Variants in BCAS3 observed in about 807,000 individuals in gnomAD.
The protein encoded by BCAS3 is BCAS4/BCAS3 fusion.
A neutral mutation model predicts 116.1 loss-of-function variants in BCAS3; 53 were observed. The observed-to-expected ratio is 0.46, with a 90% CI of 0.37 to 0.57. The LOEUF is 0.57. Ranked by LOEUF, BCAS3 falls within the 20% of genes least tolerant of loss-of-function variation. BCAS3 has a pLI of 0.00. For synonymous variants in BCAS3, 391 were observed against 408.2 expected, an observed-to-expected ratio of 0.96 and a Z score of 0.51; for missense variants, 917 against 1,165.4, an observed-to-expected ratio of 0.79 and a Z score of 3.10.
intron 13 of BCAS3, among the ~76,000 whole-genome samples, chr17:60,935,992 T>C (rs1241484522): frequency 6.6e-6 from 1 of 151,976 alleles, no homozygotes; most frequent in Admixed American, 6.6e-5. Flanking sequence ...TATCTCCAAA[T>C]GCTATCCCTC....
chr17:61,152,480 G>A (rs2077595242), intron 22 of BCAS3, among the ~76,000 whole-genome samples: 1 of 152,048 alleles, frequency 6.6e-6, no homozygotes, highest in Admixed American at 6.5e-5. Context: ...CTCGACCCAG[G>A]AAGTCCAGAT....
chr17:61,012,822 A>G lies in BCAS3; in HGVS notation c.1487-2929A>G, dbSNP rs75782344. Among the ~76,000 whole-genome samples the G allele has an allele frequency of 0.041, 6,168 of 152,134 alleles. 187 individuals carry two copies. Among genetic ancestry groups the G allele is most frequent in the Non-Finnish European group, 0.067 (4,528 of 67,912 alleles). On this transcript the variant is annotated intron_variant, in intron 15 of 23. Coordinates refer to ENST00000407086, the MANE Select transcript of BCAS3 (RefSeq NM_017679.5). The surrounding 1 kb of genome is among the most constrained non-coding windows in gnomAD (Gnocchi z 4.5). ...CTAAACCACAGATTTGGAACTTCTC[A>G]GTGAATCACTTCATTTTCCTAGACC...
chr17:61,250,653 A>G (rs1472598202), intron 22 of BCAS3, among the ~76,000 whole-genome samples: 1 of 152,228 alleles, frequency 6.6e-6, no homozygotes, highest in Non-Finnish European at 1.5e-5. Flanking sequence ...GACAGCTAAA[A>G]GGCATTCTTT....
chr17:60,976,180 C>T (rs1414522506), intron 14 of BCAS3, among the ~76,000 whole-genome samples: 5 of 147,220 alleles, frequency 3.4e-5, no homozygotes. Flanking sequence ...CCTGCCACCA[C>T]ACTCGGCTAA....
At chr17:60,780,224 G>T in intron 6 of BCAS3, among the ~76,000 whole-genome samples, 1 of 150,666 alleles carries the variant, frequency 6.6e-6, no homozygotes, top group South Asian at 2.1e-4. Flanking sequence ...TCCTGACCTT[G>T]TGATCTGCCC....
At chr17:61,266,071 G>C (rs574336694) in intron 22 of BCAS3, among the ~76,000 whole-genome samples, 55 of 152,222 alleles carry the variant, frequency 3.6e-4, no homozygotes, top group African/African-American at 1.3e-3. Flanking sequence ...TATTCCAAGG[G>C]GGAAGCCTGT....
intron 22 of BCAS3, among the ~76,000 whole-genome samples, chr17:61,155,440 C>T (rs2077776826): frequency 6.7e-6 from 1 of 148,780 alleles, no homozygotes; most frequent in Non-Finnish European, 1.5e-5. Flanking sequence ...GGATAATTCA[C>T]ACTTAAATCT....
intron 22 of BCAS3, among the ~76,000 whole-genome samples, chr17:61,334,309 C>T (rs1009859363): frequency 1.3e-5 from 2 of 152,188 alleles, no homozygotes; most frequent in African/African-American, 4.8e-5. Flanking sequence ...TATGTAACTT[C>T]TCTGAGTTTC....
In BCAS3 at chr17:61,162,502, CCTAT is replaced by C. The variant is rs1234224232; in HGVS notation, c.2425+77941_2425+77944del. ...TGAAGGTATCCTGACAGAATTTCTG[CCTAT>C]CTTTTTTCCTGCTACAGTCTGTTGT... is the stretch of plus-strand genomic sequence containing the variant. On this transcript the variant is annotated intron_variant, in intron 22 of 23. Coordinates refer to ENST00000407086, the MANE Select transcript of BCAS3 (RefSeq NM_017679.5). This position sits in a 1 kb window ranked among gnomAD's most constrained non-coding sequence, Gnocchi z 5.6. 2.0e-5 allele frequency among the ~76,000 whole-genome samples: 3 copies of C among 152,188 alleles called. No homozygotes were observed. The highest frequency in any genetic ancestry group is 1.3e-4 in the Admixed American group (2 of 15,282).
rs941244572 is a variant in BCAS3, at chr17:61,162,400, A to G, written c.2425+77836A>G. 6.6e-6 allele frequency among the ~76,000 whole-genome samples: 1 copy of G among 152,200 alleles called. No individual in the cohort carries two copies. Among genetic ancestry groups the G allele is most frequent in the Non-Finnish European group, 1.5e-5 (1 of 68,042 alleles). On this transcript the variant is annotated intron_variant, in intron 22 of 23. Coordinates refer to ENST00000407086, the MANE Select transcript of BCAS3 (RefSeq NM_017679.5). The surrounding 1 kb of genome is among the most constrained non-coding windows in gnomAD (Gnocchi z 5.6). The stretch of plus-strand genomic sequence containing the variant: ...TGCATTCCCAACAGAAGGTTGTTTC[A>G]TATGCATTTGCCTCTACAAGAATAT...
At chr17:60,799,046 T>C (rs2047461765) in intron 6 of BCAS3, among the ~76,000 whole-genome samples, 1 of 152,256 alleles carries the variant, frequency 6.6e-6, no homozygotes, top group African/African-American at 2.4e-5. Flanking sequence ...TCCTTTGTGT[T>C]GGCTAACAAT....
intron 22 of BCAS3, among the ~76,000 whole-genome samples, chr17:61,108,624 CA>C (rs2074835246): frequency 1.8e-5 from 2 of 113,768 alleles, no homozygotes; most frequent in African/African-American, 6.5e-5. Flanking sequence ...TTTTTAATTT[CA>C]ATAGGCTTTT....
At position 61,217,813 on chromosome 17, in the gene BCAS3, A is replaced by G. The variant is rs2144365948; in HGVS notation, c.2425+133249A>G. Among the ~76,000 whole-genome samples the G allele has an allele frequency of 6.6e-6, 1 of 152,226 alleles. No individual in the cohort carries two copies. The highest frequency in any genetic ancestry group is 1.9e-4 in the East Asian group (1 of 5,180). On this transcript the variant is annotated intron_variant, in intron 22 of 23. Transcript: ENST00000407086. The surrounding 1 kb of genome is among the most constrained non-coding windows in gnomAD (Gnocchi z 5.2). The stretch of plus-strand genomic sequence containing the variant: ...CCTCCCTTATTAAAAGTAATTTTTT[A>G]CAGAAATTCCTAGCGCCAAGCACAA...
At chr17:60,801,729 T>C (rs905801257) in intron 6 of BCAS3, among the ~76,000 whole-genome samples, 1 of 152,218 alleles carries the variant, frequency 6.6e-6, no homozygotes, top group Non-Finnish European at 1.5e-5. Flanking sequence ...TATCACTGTC[T>C]TGAAACAATG....
At chr17:60,989,457 CT>C (rs1321876701) in intron 14 of BCAS3, among the ~76,000 whole-genome samples, 1 of 150,358 alleles carries the variant, frequency 6.7e-6, no homozygotes, top group Non-Finnish European at 1.5e-5. Flanking sequence ...TGGCTCACCA[CT>C]TGTTTTTTGT....
chr17:61,026,096 A>G lies in BCAS3; in HGVS notation c.1638-8570A>G, dbSNP rs909080435. On this transcript the variant is annotated intron_variant, in intron 16 of 23. Transcript: ENST00000407086. This position sits in a 1 kb window ranked among gnomAD's most constrained non-coding sequence, Gnocchi z 5.0. Reference sequence around the variant, plus strand: ...CTTTATGTGCAGATGTGCATGGCATATCTTAAATGCTAGGAACAGAATTTT... The same window carrying G: ...CTTTATGTGCAGATGTGCATGGCATGTCTTAAATGCTAGGAACAGAATTTT... 6.6e-6 allele frequency among the ~76,000 whole-genome samples: 1 copy of G among 152,104 alleles called. No homozygotes were observed. Among genetic ancestry groups the G allele is most frequent in the Non-Finnish European group, 1.5e-5 (1 of 67,966 alleles).
rs972604439 is a variant in BCAS3 at position 61,083,683 on chromosome 17, G to GT, written c.2328-779dup. Reference sequence around the variant, plus strand: ...CGATCTTGGCTCATTGCAACCTCTGGTTTTTGGGTTCCAGCAGTTCTCCTG... The same window carrying GT: ...CGATCTTGGCTCATTGCAACCTCTGGTTTTTTGGGTTCCAGCAGTTCTCCTG... On this transcript the variant is annotated intron_variant, in intron 21 of 23. Transcript: ENST00000407086. This position sits in a 1 kb window ranked among gnomAD's most constrained non-coding sequence, Gnocchi z 4.9. 6.6e-6 allele frequency among the ~76,000 whole-genome samples: 1 copy of GT among 151,084 alleles called. No individual in the cohort carries two copies. The highest frequency in any genetic ancestry group is 2.4e-5 in the African/African-American group (1 of 41,046).
At chr17:61,187,132 G>A (rs1489733310) in intron 22 of BCAS3, among the ~76,000 whole-genome samples, 2 of 152,170 alleles carry the variant, frequency 1.3e-5, no homozygotes, top group African/African-American at 4.8e-5. Context: ...GTTTCTACAT[G>A]TTATTTTTAT....
Position 61,282,630 on chromosome 17 carries a change from G to A in BCAS3, c.2426-85697G>A, listed in dbSNP as rs1247202697. On this transcript the variant is annotated intron_variant, in intron 22 of 23. Transcript: ENST00000407086. This position sits in a 1 kb window ranked among gnomAD's most constrained non-coding sequence, Gnocchi z 5.9. ...ATAGAAAGTTATGTTTGTATTGGTC[G>A]TTGTTAATAAAACAGAGTATCTGGG... Among the ~76,000 whole-genome samples, 11 of 152,148 alleles carry A rather than the reference G, an allele frequency of 7.2e-5. No homozygotes were observed. Among genetic ancestry groups the A allele is most frequent in the East Asian group, 3.8e-4 (2 of 5,202 alleles).
Sources: allele counts gnomAD v4.1 joint callset (sites outside exome capture counted in the v4.1 genomes callset), GRCh38; gene constraint gnomAD v4.1.1; non-coding constraint Gnocchi (gnomAD v3.1); transcripts MANE v1.5; gene names NCBI Gene and HGNC (gene_info 2026-07-23, HGNC 2026-07-21).